DPP10: variants seen among roughly 807,000 people sequenced by gnomAD.
DPP10 encodes the protein inactive dipeptidyl peptidase 10.
DPP10 carries 33 observed loss-of-function variants against 120.9 expected under a neutral mutation model. The observed-to-expected ratio is 0.27, with a 90% CI of 0.21 to 0.37. DPP10 has a LOEUF of 0.37. Ranked by LOEUF, DPP10 falls within the 10% of genes least tolerant of loss-of-function variation. DPP10 has a pLI of 1.00. For missense variants in DPP10, 816 were observed against 942.8 expected (o/e 0.87, Z 1.76); for synonymous variants, 337 against 326.1 (o/e 1.03, Z -0.36).
intron 1 of DPP10, among the ~76,000 whole-genome samples, chr2:114,604,188 T>C (rs537989493): frequency 6.6e-6 from 1 of 152,106 alleles, no homozygotes; most frequent in Admixed American, 6.6e-5. Context: ...TCCTGAAGTG[T>C]TCAGCATAGA....
chr2:114,781,422 A>T (rs1682312371), intron 1 of DPP10, among the ~76,000 whole-genome samples: 1 of 152,006 alleles, frequency 6.6e-6, no homozygotes, highest in Non-Finnish European at 1.5e-5. Flanking sequence ...TTCACGGCTT[A>T]ATGTTTGTTT....
chr2:114,961,489 G>A (rs866556515), intron 1 of DPP10, among the ~76,000 whole-genome samples: 26 of 151,874 alleles, frequency 1.7e-4, no homozygotes, highest in South Asian at 8.3e-4. Flanking sequence ...ACATTTCAGA[G>A]AAACCTGAGA....
chr2:115,618,434 G>A (rs1008889323), intron 5 of DPP10, among the ~76,000 whole-genome samples: 2 of 152,158 alleles, frequency 1.3e-5, no homozygotes, highest in Non-Finnish European at 2.9e-5. Flanking sequence ...TTAATGAAGA[G>A]TTGGTGAAAG....
chr2:115,254,839 G>T (rs771503847), intron 1 of DPP10, among the ~76,000 whole-genome samples: 1 of 152,182 alleles, frequency 6.6e-6, no homozygotes, highest in Admixed American at 6.5e-5. Context: ...CAAGAGGTGG[G>T]CTCCCACAGC....
At chr2:114,655,824 G>C (rs919349683) in intron 1 of DPP10, among the ~76,000 whole-genome samples, 1 of 151,996 alleles carries the variant, frequency 6.6e-6, no homozygotes, top group Non-Finnish European at 1.5e-5. Context: ...TATAGGTAAG[G>C]ATTCATTACA....
chr2:115,835,014 G>A (rs1559219553), intron 21 of DPP10, among the ~76,000 whole-genome samples: 2 of 151,936 alleles, frequency 1.3e-5, no homozygotes, highest in Middle Eastern at 6.8e-3. Context: ...TGAACCCGGG[G>A]GGCGGAGCTT....
chr2:115,088,749 A>G (rs1708954674), intron 1 of DPP10, among the ~76,000 whole-genome samples: 1 of 143,274 alleles, frequency 7.0e-6, no homozygotes, highest in Non-Finnish European at 1.5e-5. Context: ...ACTGTGCCTG[A>G]CAAAAAAAAA....
At chr2:115,678,002 A>G (rs1187121966) in intron 5 of DPP10, among the ~76,000 whole-genome samples, 1 of 152,252 alleles carries the variant, frequency 6.6e-6, no homozygotes, top group Non-Finnish European at 1.5e-5. Flanking sequence ...ATTTAGCATT[A>G]ATTATACTTA....
intron 7 of DPP10, among the ~76,000 whole-genome samples, chr2:115,715,256 T>C (rs1429186745): frequency 7.0e-6 from 1 of 142,144 alleles, no homozygotes; most frequent in Admixed American, 7.6e-5. Context: ...GGAGAATCAC[T>C]TGAACCCAGG....
intron 3 of DPP10, among the ~76,000 whole-genome samples, chr2:115,364,896 TA>T (rs2064993993): frequency 6.6e-6 from 1 of 152,032 alleles, no homozygotes; most frequent in South Asian, 2.1e-4. Flanking sequence ...TTAGATGAAA[TA>T]TAAGTAGTAG....
At chr2:115,130,336 A>G (rs2050277670) in intron 1 of DPP10, among the ~76,000 whole-genome samples, 1 of 152,176 alleles carries the variant, frequency 6.6e-6, no homozygotes, top group South Asian at 2.1e-4. Flanking sequence ...CACTGTTGTT[A>G]CGTTCTTCCT....
chr2:114,831,483 G>A (rs780322519), intron 1 of DPP10, among the ~76,000 whole-genome samples: 13 of 152,086 alleles, frequency 8.5e-5, no homozygotes, highest in Non-Finnish European at 1.6e-4. Flanking sequence ...CGGGAAGCAG[G>A]TTTGTCTTTT....
At chr2:115,659,726 T>G (rs984871972) in intron 5 of DPP10, among the ~76,000 whole-genome samples, 3 of 152,166 alleles carry the variant, frequency 2.0e-5, no homozygotes, top group African/African-American at 4.8e-5. Flanking sequence ...TTCCAAAGAC[T>G]TTTTAATCTT....
chr2:115,303,500 C>T (rs751360372), intron 1 of DPP10, among the ~76,000 whole-genome samples: 23 of 151,668 alleles, frequency 1.5e-4, no homozygotes, highest in Non-Finnish European at 2.2e-4. Context: ...CTTTTTCATT[C>T]TAGATTTTGT....
intron 1 of DPP10, among the ~76,000 whole-genome samples, chr2:114,589,583 AGT>A (rs1210202293): frequency 6.6e-6 from 1 of 152,206 alleles, no homozygotes; most frequent in Non-Finnish European, 1.5e-5. Flanking sequence ...GGTGGTTATA[AGT>A]GTGTCTGCTA....
At chr2:115,743,782 TA>T (rs1042657089) in intron 9 of DPP10, among the ~76,000 whole-genome samples, 4 of 150,732 alleles carry the variant, frequency 2.7e-5, no homozygotes, top group Non-Finnish European at 5.9e-5. Context: ...TGAGAATCTT[TA>T]GCATGTGCTC....
chr2:115,196,877 C>T (rs2055317670), intron 1 of DPP10, among the ~76,000 whole-genome samples: 1 of 152,096 alleles, frequency 6.6e-6, no homozygotes, highest in African/African-American at 2.4e-5. Context: ...TAACACTGAG[C>T]ATAAGTTTGA....
At chr2:115,529,033 A>G (rs2078300770) in intron 5 of DPP10, among the ~76,000 whole-genome samples, 1 of 152,054 alleles carries the variant, frequency 6.6e-6, no homozygotes. Flanking sequence ...GGTGGGGAAA[A>G]CTGGGTGAAG....
intron 1 of DPP10, among the ~76,000 whole-genome samples, chr2:114,791,289 G>A (rs773412553): frequency 1.3e-5 from 2 of 152,148 alleles, no homozygotes; most frequent in African/African-American, 2.4e-5. Context: ...ATAGGCTTTG[G>A]AGTCAGGTCA....
Sources: gnomAD v4.1 joint callset for allele counts (sites outside exome capture counted in the v4.1 genomes callset) on GRCh38, gnomAD v4.1.1 for gene constraint, MANE v1.5 for transcripts, NCBI Gene and HGNC (gene_info 2026-07-23, HGNC 2026-07-21) for gene names.